The following PTPN3 variants were observed in gnomAD, a reference collection of about 807,000 sequenced individuals.
The protein encoded by PTPN3 is protein tyrosine phosphatase non-receptor type 3.
A neutral mutation model predicts 132.7 loss-of-function variants in PTPN3; 96 were observed. The ratio of observed to expected loss-of-function variants is 0.72; its 90% confidence interval spans 0.61 to 0.86. The LOEUF (loss-of-function observed/expected upper bound fraction) is 0.86, where lower values mean the gene tolerates loss of function less well. Ranked by LOEUF, PTPN3 falls within the 40% of genes least tolerant of loss-of-function variation. PTPN3 has a pLI of 0.00. For missense variants in PTPN3, 1,125 were observed against 1,159.6 expected (o/e 0.97, Z 0.43); for synonymous variants, 398 against 429.0 (o/e 0.93, Z 0.89).
At chr9:109,505,485 G>T in the PTPN3 span, among the ~76,000 whole-genome samples, 1 of 151,954 alleles carries the variant, frequency 6.6e-6, no homozygotes, top group Non-Finnish European at 1.5e-5. Flanking sequence ...TGCTATTTTG[G>T]CCAGGCTGGT....
At chr9:109,491,259 C>T (rs1439752974) in intron 1 of PTPN3, among the ~76,000 whole-genome samples, 1 of 151,310 alleles carries the variant, frequency 6.6e-6, no homozygotes, top group East Asian at 1.9e-4. Flanking sequence ...TGTTGTATCA[C>T]TATTAATTTA....
the PTPN3 span, among the ~76,000 whole-genome samples, chr9:109,516,358 G>A: frequency 2.6e-5 from 4 of 152,180 alleles, no homozygotes; most frequent in African/African-American, 9.7e-5. Flanking sequence ...TACTGAGGGA[G>A]TGGAGACTAA....
chr9:109,534,360 C>T, the PTPN3 span: 1 of 1,487,132 alleles, frequency 6.7e-7, no homozygotes. Flanking sequence ...CTGGGGCCGG[C>T]TGCGGCAGCT....
chr9:109,426,801 AG>A, intron 12 of PTPN3, 148 bp downstream of exon 12: 1 of 844,620 alleles, frequency 1.2e-6, no homozygotes, highest in Non-Finnish European at 1.8e-6. Context: ...TGACCCCGGG[AG>A]ACTTTTAGTT....
chr9:109,408,438 A>AAACC, intron 16 of PTPN3, 61 bp from the exon 17 acceptor site: 2 of 1,384,376 alleles, frequency 1.4e-6, no homozygotes, highest in Non-Finnish European at 2.0e-6. Context: ...ACAAACAAAC[A>AAACC]AAAAAACGAG....
intron 4 of PTPN3, among the ~76,000 whole-genome samples, chr9:109,455,776 T>C (rs915959172): frequency 6.6e-6 from 1 of 152,206 alleles, no homozygotes; most frequent in Non-Finnish European, 1.5e-5. Context: ...TGTCGAACCC[T>C]CTGGGCTGTC....
the PTPN3 span, among the ~76,000 whole-genome samples, chr9:109,536,906 G>T: frequency 6.6e-6 from 1 of 152,244 alleles, no homozygotes; most frequent in South Asian, 2.1e-4. Flanking sequence ...TTTGCTTTAA[G>T]TTGTGGAAAT....
chr9:109,527,476 A>C, the PTPN3 span, among the ~76,000 whole-genome samples: 8 of 152,340 alleles, frequency 5.3e-5, no homozygotes, highest in South Asian at 1.2e-3. Context: ...ATAAGTAAAT[A>C]AATAAAAATT....
At chr9:109,411,186 TAG>T (rs1313421206) in intron 14 of PTPN3, among the ~76,000 whole-genome samples, 1 of 152,200 alleles carries the variant, frequency 6.6e-6, no homozygotes, top group African/African-American at 2.4e-5. Flanking sequence ...AGCGCTGTCT[TAG>T]AGAGTTACAG....
chr9:109,417,509 TACTC>T (rs149026303), intron 14 of PTPN3: 23,129 of 884,002 alleles, frequency 0.026, 412 homozygotes, highest in East Asian at 0.15. Flanking sequence ...ATTTTGCAAA[TACTC>T]ACAGAAACTA....
rs186954307 is a variant in PTPN3, at chr9:109,433,986, T to C, written c.676-825A>G. Among the ~76,000 whole-genome samples, 6 of 149,370 alleles carry C rather than the reference T, an allele frequency of 4.0e-5. No homozygotes were observed. In the East Asian group the frequency reaches 1.2e-3, roughly 30 times the overall value. ...AGTGTATCCAACATTTATGCATGCC[T>C]AAGTGCTGGGCATTGCTGTGGACAG... is the stretch of plus-strand genomic sequence containing the variant. On this transcript the variant is annotated intron_variant, in intron 9 of 25. Transcript: ENST00000374541.
At chr9:109,426,231 T>C (rs10979859) in intron 12 of PTPN3, among the ~76,000 whole-genome samples, 40,208 of 149,016 alleles carry the variant, frequency 0.27, 5,583 homozygotes, top group Non-Finnish European at 0.29. Flanking sequence ...TTTCTTTTAC[T>C]GTACATCATT....
At chr9:109,450,404 A>T in intron 5 of PTPN3, 1 of 984,772 alleles carries the variant, frequency 1.0e-6, no homozygotes, top group Middle Eastern at 5.2e-4. Context: ...AGTTATAGAT[A>T]ATCCAATGGT....
chr9:109,420,895 A>G (rs1487997750), intron 13 of PTPN3, among the ~76,000 whole-genome samples: 1 of 152,204 alleles, frequency 6.6e-6, no homozygotes, highest in African/African-American at 2.4e-5. Context: ...ACTTAAGGGT[A>G]AGTTATTCTT....
At chr9:109,533,542 A>C in the PTPN3 span, 1 of 1,600,228 alleles carries the variant, frequency 6.2e-7, no homozygotes, top group Non-Finnish European at 8.5e-7. Context: ...GATTTTCTTT[A>C]TCCTCTTCAT....
intron 21 of PTPN3, among the ~76,000 whole-genome samples, chr9:109,390,879 T>C (rs574912200): frequency 6.6e-6 from 1 of 152,314 alleles, no homozygotes; most frequent in East Asian, 1.9e-4. Flanking sequence ...TGTGGACGAT[T>C]GAATTAGAAA....
chr9:109,471,514 A>G (rs1030628785), intron 1 of PTPN3, among the ~76,000 whole-genome samples: 7 of 152,176 alleles, frequency 4.6e-5, no homozygotes, highest in Non-Finnish European at 7.3e-5. Context: ...CCACAGTACA[A>G]TTATCACACT....
At chr9:109,425,695 C>T (rs942194315) in intron 12 of PTPN3, among the ~76,000 whole-genome samples, 3 of 149,832 alleles carry the variant, frequency 2.0e-5, no homozygotes, top group Admixed American at 6.7e-5. Context: ...AGTGAGACTT[C>T]GTCTCAAAAC....
At chr9:109,489,260 G>A (rs986949426) in intron 1 of PTPN3, among the ~76,000 whole-genome samples, 3 of 152,210 alleles carry the variant, frequency 2.0e-5, no homozygotes, top group African/African-American at 7.2e-5. Flanking sequence ...GTACCATAGT[G>A]AGGTGAGAGC....
Sources: allele counts gnomAD v4.1 joint callset (sites outside exome capture counted in the v4.1 genomes callset), GRCh38; gene constraint gnomAD v4.1.1; transcripts MANE v1.5; gene names NCBI Gene and HGNC (gene_info 2026-07-23, HGNC 2026-07-21).